Variants in SGCZ observed in about 807,000 individuals in gnomAD.
SGCZ encodes the protein sarcoglycan zeta.
A neutral mutation model predicts 41.3 loss-of-function variants in SGCZ; 40 were observed. The observed-to-expected ratio is 0.97, with a 90% CI of 0.75 to 1.26. The LOEUF is 1.26. Among genes scored for constraint, SGCZ ranks in the 50% most tolerant of loss-of-function variants. The pLI, the probability that SGCZ is intolerant of heterozygous loss-of-function variation, is 0.00. For missense variants in SGCZ, 552 were observed against 369.8 expected (o/e 1.49, Z -4.04); for synonymous variants, 206 against 137.5 (o/e 1.50, Z -3.49).
chr8:14,179,995 A>G (rs1649038056), intron 4 of SGCZ, among the ~76,000 whole-genome samples: 1 of 152,234 alleles, frequency 6.6e-6, no homozygotes, highest in African/African-American at 2.4e-5. Flanking sequence ...CTTTTGTATT[A>G]GAAGTCACCA....
chr8:14,493,488 C>T (rs894170221), intron 2 of SGCZ, among the ~76,000 whole-genome samples: 2 of 150,332 alleles, frequency 1.3e-5, no homozygotes, highest in Non-Finnish European at 3.0e-5. Context: ...CTGCCTCAGC[C>T]TCCCGAGTAG....
Position 14,107,061 on chromosome 8 carries a change from A to C in SGCZ, c.620+1102T>G, listed in dbSNP as rs1242505596. 3.3e-5 allele frequency among the ~76,000 whole-genome samples: 5 copies of C among 152,062 alleles called. No individual in the cohort carries two copies. In the East Asian group the frequency reaches 7.8e-4, roughly 24 times the overall value. On this transcript the variant is annotated intron_variant, in intron 6 of 7. Coordinates refer to ENST00000382080, the MANE Select transcript of SGCZ (RefSeq NM_139167.4). ...GAAACCCCGTCTCTACTAAAAATAC[A>C]AAAAATTAACCGGGCACAATGGCGG...
chr8:14,805,104 G>T (rs1324353414), intron 1 of SGCZ, among the ~76,000 whole-genome samples: 1 of 123,404 alleles, frequency 8.1e-6, no homozygotes, highest in African/African-American at 3.3e-5. Context: ...AGGAACAACC[G>T]GTACCAGCTG....
At chr8:14,160,656 T>G (rs887203313) in intron 5 of SGCZ, among the ~76,000 whole-genome samples, 1 of 152,162 alleles carries the variant, frequency 6.6e-6, no homozygotes, top group Non-Finnish European at 1.5e-5. Flanking sequence ...CTTAAGCATG[T>G]GATTGCTCTT....
intron 1 of SGCZ, among the ~76,000 whole-genome samples, chr8:14,889,012 A>T (rs899080914): frequency 6.6e-6 from 1 of 152,172 alleles, no homozygotes; most frequent in Non-Finnish European, 1.5e-5. Flanking sequence ...ACCTACACAA[A>T]GTAACATTGT....
intron 1 of SGCZ, among the ~76,000 whole-genome samples, chr8:14,863,173 C>G (rs561364118): frequency 1.1e-4 from 17 of 152,100 alleles, no homozygotes; most frequent in African/African-American, 3.4e-4. Context: ...GGCCTTATAC[C>G]AAACTCTTAA....
At chr8:14,860,986 T>G (rs1233553358) in intron 1 of SGCZ, among the ~76,000 whole-genome samples, 2 of 152,228 alleles carry the variant, frequency 1.3e-5, no homozygotes, top group Non-Finnish European at 2.9e-5. Context: ...TAGGTATCAC[T>G]GCTGTTTCTT....
intron 3 of SGCZ, among the ~76,000 whole-genome samples, chr8:14,294,153 G>A (rs571140275): frequency 6.6e-6 from 1 of 151,886 alleles, no homozygotes; most frequent in South Asian, 2.1e-4. Flanking sequence ...TGAGAAACAT[G>A]TTAAATTATT....
chr8:14,767,456 A>T (rs574216019), intron 1 of SGCZ, among the ~76,000 whole-genome samples: 105 of 152,312 alleles, frequency 6.9e-4, no homozygotes, highest in South Asian at 1.9e-3. Context: ...TCTCAATTTT[A>T]CAATCAATTT....
intron 1 of SGCZ, among the ~76,000 whole-genome samples, chr8:14,953,432 C>A (rs976721242): frequency 1.6e-4 from 25 of 152,158 alleles, no homozygotes; most frequent in Admixed American, 4.6e-4. Flanking sequence ...CTGGGAATTA[C>A]AATTCGACAT....
chr8:15,097,636 G>C (rs188185928), intron 1 of SGCZ, among the ~76,000 whole-genome samples: 1 of 151,168 alleles, frequency 6.6e-6, no homozygotes, highest in East Asian at 2.0e-4. Flanking sequence ...ACTGCCTGTA[G>C]TACCAGCTAC....
chr8:14,412,796 G>A (rs1799396342), intron 2 of SGCZ, among the ~76,000 whole-genome samples: 1 of 151,938 alleles, frequency 6.6e-6, no homozygotes, highest in Non-Finnish European at 1.5e-5. Flanking sequence ...GCAACTATAA[G>A]GATGGCATAA....
intron 1 of SGCZ, among the ~76,000 whole-genome samples, chr8:14,625,151 G>T (rs1213080890): frequency 6.6e-6 from 1 of 152,036 alleles, no homozygotes; most frequent in East Asian, 1.9e-4. Flanking sequence ...ATTGAAATTT[G>T]CTCACTGTGT....
intron 1 of SGCZ, among the ~76,000 whole-genome samples, chr8:14,734,439 A>C (rs1798966117): frequency 6.6e-6 from 1 of 152,168 alleles, no homozygotes. Flanking sequence ...ATTTGCCCCG[A>C]AACTTTTATA....
intron 1 of SGCZ, among the ~76,000 whole-genome samples, chr8:15,097,888 GTATA>G (rs377298460): frequency 0.83 from 99,821 of 120,262 alleles, 41,250 homozygotes; most frequent in Non-Finnish European, 0.88. Flanking sequence ...ATATACGTGT[GTATA>G]TATATATATA....
chr8:14,298,292 G>C (rs902776413), intron 3 of SGCZ, among the ~76,000 whole-genome samples: 2 of 151,748 alleles, frequency 1.3e-5, no homozygotes, highest in Non-Finnish European at 2.9e-5. Flanking sequence ...TTTTAGATTG[G>C]AAATAAGATA....
At chr8:14,447,629 T>A (rs931145644) in intron 2 of SGCZ, among the ~76,000 whole-genome samples, 5 of 152,130 alleles carry the variant, frequency 3.3e-5, no homozygotes, top group Non-Finnish European at 5.9e-5. Flanking sequence ...ACACATACAT[T>A]CATTAATTAT....
intron 2 of SGCZ, among the ~76,000 whole-genome samples, chr8:14,497,946 T>A (rs1802040449): frequency 6.6e-6 from 1 of 152,210 alleles, no homozygotes; most frequent in South Asian, 2.1e-4. Flanking sequence ...CCATTGCCCA[T>A]AAAGGTTGTT....
chr8:14,752,132 C>A (rs1332302247), intron 1 of SGCZ, among the ~76,000 whole-genome samples: 5 of 117,762 alleles, frequency 4.2e-5, no homozygotes, highest in Admixed American at 9.3e-5. Flanking sequence ...ACAAAAAAGC[C>A]AAAAAAAAAA....
Sources: allele counts gnomAD v4.1 joint callset (sites outside exome capture counted in the v4.1 genomes callset), GRCh38; gene constraint gnomAD v4.1.1; transcripts MANE v1.5; gene names NCBI Gene and HGNC (gene_info 2026-07-23, HGNC 2026-07-21).